The following IL1RAPL1 variants were observed in gnomAD, a reference collection of about 807,000 sequenced individuals.
IL1RAPL1 encodes the protein interleukin 1 receptor accessory protein like 1.
A neutral mutation model predicts 48.4 loss-of-function variants in IL1RAPL1; 3 were observed. That is an observed-to-expected ratio of 0.06 (90% CI 0.03 to 0.16). The LOEUF is 0.16. IL1RAPL1 is among the 10% of genes least tolerant of loss of function. IL1RAPL1 has a pLI of 1.00. For synonymous variants in IL1RAPL1, 185 were observed against 187.7 expected (o/e 0.99, Z 0.12); for missense variants, 349 against 530.6 (o/e 0.66, Z 3.36).
chrX:29,867,058 A>G (rs1052386602), intron 6 of IL1RAPL1, among the ~76,000 whole-genome samples: 1 of 111,101 alleles, frequency 9.0e-6, no homozygotes, highest in African/African-American at 3.3e-5. Flanking sequence ...GCAACTTTGT[A>G]ATCAGACCTG....
intron 2 of IL1RAPL1, among the ~76,000 whole-genome samples, chrX:29,018,668 A>G (rs952629732): frequency 4.5e-5 from 5 of 112,135 alleles, no homozygotes; most frequent in African/African-American, 1.6e-4. Context: ...TTGGCTTCAT[A>G]TGAATCTCTC....
chrX:29,129,873 C>T (rs1240516962), intron 2 of IL1RAPL1, among the ~76,000 whole-genome samples: 7 of 111,194 alleles, frequency 6.3e-5, no homozygotes, highest in Non-Finnish European at 1.1e-4. Context: ...GGATTACAGG[C>T]GTGAGCCACT....
At chrX:29,737,645 TA>T (rs1928083594) in intron 6 of IL1RAPL1, among the ~76,000 whole-genome samples, 1 of 112,378 alleles carries the variant, frequency 8.9e-6, no homozygotes, top group South Asian at 3.7e-4. Flanking sequence ...AAAAAGTCAT[TA>T]AAAAATGAGT....
At chrX:29,492,251 T>A (rs1055367401) in intron 5 of IL1RAPL1, among the ~76,000 whole-genome samples, 3 of 112,647 alleles carry the variant, frequency 2.7e-5, no homozygotes, top group Admixed American at 9.4e-5. Context: ...ATGTGTTTTT[T>A]ATGCTTCGTG....
At chrX:29,766,706 T>TATAAATATATA (rs1298548439) in intron 6 of IL1RAPL1, among the ~76,000 whole-genome samples, 2,400 of 99,715 alleles carry the variant, frequency 0.024, 79 homozygotes, top group African/African-American at 0.084. Context: ...ATATATAATA[T>TATAAATATATA]ATAATATATG....
chrX:29,521,023 A>G (rs1358611393), intron 5 of IL1RAPL1, among the ~76,000 whole-genome samples: 5 of 111,531 alleles, frequency 4.5e-5, no homozygotes. Context: ...AAATATGTAC[A>G]TCAAAAATAA....
Position 29,433,462 on chromosome X carries a change from A to G in IL1RAPL1, c.703+34154A>G, listed in dbSNP as rs987743306. ...TTTAAGTAATACTTTGATGAATATCATGTCGTATCACATTTGTGCATTTGA... is the reference window on the plus strand; with the variant it reads ...TTTAAGTAATACTTTGATGAATATCGTGTCGTATCACATTTGTGCATTTGA... On this transcript the variant is annotated intron_variant, in intron 5 of 10. Coordinates refer to ENST00000378993, the MANE Select transcript of IL1RAPL1 (RefSeq NM_014271.4). 8.1e-5 allele frequency among the ~76,000 whole-genome samples: 9 copies of G among 111,181 alleles called. No individual in the cohort carries two copies. The East Asian group carries it at 1.7e-3, about 21-fold the overall frequency.
At chrX:29,882,065 T>C (rs1932043962) in intron 6 of IL1RAPL1, among the ~76,000 whole-genome samples, 1 of 112,052 alleles carries the variant, frequency 8.9e-6, no homozygotes, top group Non-Finnish European at 1.9e-5. Flanking sequence ...TGGTAGATTA[T>C]TTCAATTATA....
chrX:29,343,259 A>C (rs1464566331), intron 3 of IL1RAPL1, among the ~76,000 whole-genome samples: 1 of 112,174 alleles, frequency 8.9e-6, no homozygotes, highest in Non-Finnish European at 1.9e-5. Context: ...GATTGTAGGT[A>C]CTTTTGCTTT....
chrX:28,660,078 G>A (rs185652028), intron 1 of IL1RAPL1, among the ~76,000 whole-genome samples: 3 of 97,220 alleles, frequency 3.1e-5, no homozygotes, highest in Non-Finnish European at 4.1e-5. Context: ...CAGAAGCAGA[G>A]TGAGGATGGT....
intron 3 of IL1RAPL1, among the ~76,000 whole-genome samples, 169 bp downstream of exon 3, chrX:29,283,386 A>G (rs1932232755): frequency 8.9e-6 from 1 of 112,546 alleles, no homozygotes; most frequent in Non-Finnish European, 1.9e-5. Context: ...ATTGGAATTT[A>G]TATTAGACAT....
intron 2 of IL1RAPL1, among the ~76,000 whole-genome samples, chrX:28,810,226 C>T (rs1936778168): frequency 9.1e-6 from 1 of 109,884 alleles, no homozygotes; most frequent in Admixed American, 9.8e-5. Context: ...GTATTGAAAA[C>T]CATTTGCCTG....
chrX:29,885,835 A>C (rs994149233), intron 6 of IL1RAPL1, among the ~76,000 whole-genome samples: 1 of 111,517 alleles, frequency 9.0e-6, no homozygotes. Flanking sequence ...ACGCATATGT[A>C]ATCATTGAAG....
chrX:29,930,409 A>G (rs1932933054), intron 8 of IL1RAPL1, among the ~76,000 whole-genome samples: 1 of 112,108 alleles, frequency 8.9e-6, no homozygotes, highest in African/African-American at 3.2e-5. Context: ...TGTCCAGAAT[A>G]AAAGGCAAAA....
At chrX:29,731,854 G>A (rs1927927055) in intron 6 of IL1RAPL1, among the ~76,000 whole-genome samples, 1 of 112,173 alleles carries the variant, frequency 8.9e-6, no homozygotes, top group South Asian at 3.7e-4. Context: ...GCCTGAGCAA[G>A]TATAGAAAAG....
intron 5 of IL1RAPL1, among the ~76,000 whole-genome samples, chrX:29,404,083 C>T (rs1934025928): frequency 8.9e-6 from 1 of 111,833 alleles, no homozygotes; most frequent in Non-Finnish European, 1.9e-5. Context: ...TTAAAATTTG[C>T]ATACATTAAG....
chrX:29,395,186 A>G (rs976093322), intron 3 of IL1RAPL1, among the ~76,000 whole-genome samples: 1 of 111,904 alleles, frequency 8.9e-6, no homozygotes, highest in Non-Finnish European at 1.9e-5. Context: ...CCTGAGACTC[A>G]AAGGAGTTAA....
chrX:29,867,273 A>C (rs1490178828), intron 6 of IL1RAPL1, among the ~76,000 whole-genome samples: 1 of 112,295 alleles, frequency 8.9e-6, no homozygotes, highest in African/African-American at 3.2e-5. Flanking sequence ...TTAATGAAAA[A>C]TGTGTTTTAA....
chrX:28,957,743 C>G (rs373549387), intron 2 of IL1RAPL1, among the ~76,000 whole-genome samples: 4 of 109,226 alleles, frequency 3.7e-5, no homozygotes, highest in Non-Finnish European at 7.6e-5. Flanking sequence ...GGGTGGATCA[C>G]GAGGTCAGGA....
Sources: allele counts gnomAD v4.1 joint callset (sites outside exome capture counted in the v4.1 genomes callset), GRCh38; gene constraint gnomAD v4.1.1; transcripts MANE v1.5; gene names NCBI Gene and HGNC (gene_info 2026-07-23, HGNC 2026-07-21).